VPS54: variants seen among roughly 807,000 people sequenced by gnomAD.
The protein encoded by VPS54 is vacuolar protein sorting-associated protein 54.
VPS54 carries 45 observed loss-of-function variants against 121.5 expected under a neutral mutation model. The observed-to-expected ratio is 0.37, with a 90% CI of 0.29 to 0.47. The LOEUF (loss-of-function observed/expected upper bound fraction) is 0.47, where lower values mean the gene tolerates loss of function less well. Among genes scored for constraint, VPS54 ranks in the 20% least tolerant of loss-of-function variants. The probability of loss-of-function intolerance (pLI) is 0.99; values close to 1 mark genes in which losing one functional copy is unlikely to be tolerated. For missense variants in VPS54, 1,090 were observed against 1,131.4 expected, an observed-to-expected ratio of 0.96 and a Z score of 0.52; for synonymous variants, 371 against 385.8, an observed-to-expected ratio of 0.96 and a Z score of 0.45.
intron 1 of VPS54, among the ~76,000 whole-genome samples, chr2:64,011,059 G>A (rs1048694535): frequency 6.6e-6 from 1 of 152,256 alleles, no homozygotes; most frequent in East Asian, 1.9e-4. Flanking sequence ...TATTGACTAG[G>A]AGGATAAAAA....
intron 1 of VPS54, among the ~76,000 whole-genome samples, chr2:64,006,817 C>A (rs1430549940): frequency 6.6e-6 from 1 of 152,028 alleles, no homozygotes; most frequent in Non-Finnish European, 1.5e-5. Flanking sequence ...CAGGGTTTCG[C>A]CATATTGGTC....
intron 12 of VPS54, among the ~76,000 whole-genome samples, chr2:63,929,905 A>C (rs535690170): frequency 5.4e-4 from 82 of 152,314 alleles, no homozygotes; most frequent in African/African-American, 1.9e-3. Flanking sequence ...ATAAACTAGA[A>C]AATCTAGAAG....
At chr2:63,893,694 T>C (rs1672322575) in intron 22 of VPS54, among the ~76,000 whole-genome samples, 159 bp from the exon 23 acceptor site, 1 of 152,230 alleles carries the variant, frequency 6.6e-6, no homozygotes, top group African/African-American at 2.4e-5. Flanking sequence ...CTGCTATGAA[T>C]AAGTAGGCCA....
chr2:63,933,690 T>C lies in VPS54; in HGVS notation c.1722A>G (p.Pro574=). ...ATACTCACATAATATCCACACCTCC[T>C]GGAATAGCAGATGATGATGTGTGCT... ...SKEHTSSSAI[P]GGVDIMVSED... Residue 574 remains proline (P), a synonymous_variant, in exon 12 of 23, where the codon CCA becomes CCG. Coordinates refer to ENST00000272322, the MANE Select transcript of VPS54 (RefSeq NM_016516.3). 1.2e-6 allele frequency: 2 copies of C among 1,612,702 alleles called. No homozygotes were observed. Among genetic ancestry groups the C allele is most frequent in the Non-Finnish European group, 1.7e-6 (2 of 1,179,568 alleles).
chr2:63,951,366 T>C (rs1378370892), intron 7 of VPS54, among the ~76,000 whole-genome samples: 3 of 152,082 alleles, frequency 2.0e-5, no homozygotes, highest in African/African-American at 2.4e-5. Flanking sequence ...ATGGGTCCCA[T>C]GGTGTTATTT....
At chr2:63,950,507 T>C (rs959525790) in intron 7 of VPS54, among the ~76,000 whole-genome samples, 1 of 152,194 alleles carries the variant, frequency 6.6e-6, no homozygotes, top group Non-Finnish European at 1.5e-5. Context: ...AGTCTCTTAT[T>C]GGCAAGGTAC....
intron 8 of VPS54, among the ~76,000 whole-genome samples, chr2:63,948,634 C>T (rs1020941337): frequency 1.3e-5 from 2 of 152,000 alleles, no homozygotes; most frequent in Non-Finnish European, 2.9e-5. Context: ...CTCCTGGGCT[C>T]AAGCAATCTT....
At chr2:63,917,036 T>A in intron 15 of VPS54, 73 bp from the exon 16 acceptor site, 5 of 1,526,674 alleles carry the variant, frequency 3.3e-6, no homozygotes, top group Non-Finnish European at 4.5e-6. Flanking sequence ...CTGAAGAAGA[T>A]AATTCCTGTT....
At chr2:63,949,289 CA>C (rs1559015050) in intron 7 of VPS54, 126 bp from the exon 8 acceptor site, 2 of 931,672 alleles carry the variant, frequency 2.1e-6, no homozygotes, top group Non-Finnish European at 3.1e-6. Flanking sequence ...GCAATGTTTT[CA>C]AAAAATGAAG....
intron 10 of VPS54, 33 bp downstream of exon 10, chr2:63,944,567 C>G (rs772442467): frequency 3.2e-6 from 5 of 1,563,364 alleles, no homozygotes; most frequent in Admixed American, 1.8e-5. Flanking sequence ...TTTTCTCTGA[C>G]TGATAACCAC....
chr2:63,947,206 T>C (rs918011757), intron 9 of VPS54, among the ~76,000 whole-genome samples, 177 bp downstream of exon 9: 1 of 152,066 alleles, frequency 6.6e-6, no homozygotes, highest in African/African-American at 2.4e-5. Flanking sequence ...AATATTCCTA[T>C]AGCAATAATC....
chr2:63,944,787 G>T, intron 9 of VPS54, 132 bp from the exon 10 acceptor site: 1 of 658,056 alleles, frequency 1.5e-6, no homozygotes, highest in Non-Finnish European at 2.5e-6. Context: ...GGACATACAT[G>T]TGGCCAACAT....
intron 21 of VPS54, among the ~76,000 whole-genome samples, chr2:63,897,973 A>G (rs1485810286): frequency 6.6e-6 from 1 of 152,218 alleles, no homozygotes; most frequent in East Asian, 1.9e-4. Flanking sequence ...ACTTCAAAGC[A>G]TTTTATTGTT....
intron 12 of VPS54, among the ~76,000 whole-genome samples, chr2:63,923,177 G>C (rs1030517246): frequency 1.3e-5 from 2 of 151,904 alleles, no homozygotes; most frequent in Non-Finnish European, 1.5e-5. Flanking sequence ...TTAGCCAGGC[G>C]TGGTGGCAGG....
At chr2:63,995,423 C>T (rs1392221471) in intron 1 of VPS54, among the ~76,000 whole-genome samples, 1 of 152,238 alleles carries the variant, frequency 6.6e-6, no homozygotes, top group African/African-American at 2.4e-5. Flanking sequence ...AATCCTCCCC[C>T]TCAATACATT....
chr2:63,954,867 G>A (rs940799573), intron 7 of VPS54, among the ~76,000 whole-genome samples: 2 of 151,928 alleles, frequency 1.3e-5, no homozygotes, highest in African/African-American at 2.4e-5. Context: ...TCTTCGATTA[G>A]TATTTTGAAA....
In VPS54 at chr2:64,019,286, C is replaced by T. The variant is rs1678866233; in HGVS notation, c.-369G>A. Among the ~76,000 whole-genome samples, 1 of 150,616 alleles carries T rather than the reference C, an allele frequency of 6.6e-6. No homozygotes were observed. The highest frequency in any genetic ancestry group is 2.1e-4 in the South Asian group (1 of 4,832). ...CATCCCCGGCCTCCAGGGGAGCCGC[C>T]GCCGCCGCGCCACGACCACTGCCTC... On this transcript the variant is annotated 5_prime_UTR_variant, in exon 1 of 23. Transcript: ENST00000272322.
chr2:63,993,287 G>A (rs934770916), intron 1 of VPS54, among the ~76,000 whole-genome samples: 2 of 152,180 alleles, frequency 1.3e-5, no homozygotes, highest in African/African-American at 4.8e-5. Context: ...TCCGACCTAT[G>A]CACTAACTTG....
chr2:63,918,804 C>A (rs1391977333), intron 15 of VPS54, among the ~76,000 whole-genome samples: 2 of 151,998 alleles, frequency 1.3e-5, no homozygotes, highest in African/African-American at 4.8e-5. Context: ...ACTCACTTTT[C>A]CTGCATGCCA....
Sources: allele counts gnomAD v4.1 joint callset (sites outside exome capture counted in the v4.1 genomes callset), GRCh38; gene constraint gnomAD v4.1.1; transcripts MANE v1.5; gene names NCBI Gene and HGNC (gene_info 2026-07-23, HGNC 2026-07-21).